MAP2K4: variants seen among roughly 807,000 people sequenced by gnomAD.
MAP2K4 encodes dual specificity mitogen-activated protein kinase kinase 4.
A neutral mutation model predicts 48.5 loss-of-function variants in MAP2K4; 4 were observed. The observed-to-expected ratio is 0.08, with a 90% confidence interval of 0.04 to 0.19. The LOEUF is 0.19. MAP2K4 is among the 10% of genes least tolerant of loss of function. MAP2K4 has a pLI of 1.00. For missense variants in MAP2K4, 258 were observed against 493.3 expected, an observed-to-expected ratio of 0.52 and a Z score of 4.52; for synonymous variants, 166 against 173.1, an observed-to-expected ratio of 0.96 and a Z score of 0.32.
At chr17:12,113,487 C>A in intron 7 of MAP2K4, 127 bp downstream of exon 7, 1 of 1,154,150 alleles carries the variant, frequency 8.7e-7, no homozygotes, top group South Asian at 1.8e-5. Context: ...ACCCTAAGGC[C>A]CAAGCTCAGG....
chr17:12,121,944 T>C (rs77465919), intron 7 of MAP2K4, among the ~76,000 whole-genome samples: 293 of 152,340 alleles, frequency 1.9e-3, no homozygotes, highest in African/African-American at 6.8e-3. Flanking sequence ...CAGCAATGTT[T>C]TGTAGTTTTC....
intron 3 of MAP2K4, among the ~76,000 whole-genome samples, chr17:12,091,959 A>G (rs1039726014): frequency 4.6e-5 from 7 of 152,154 alleles, no homozygotes; most frequent in African/African-American, 1.4e-4. Flanking sequence ...TTTTCAAGAA[A>G]CACAATTTAA....
chr17:12,128,431 C>T (rs1972923988), intron 8 of MAP2K4, among the ~76,000 whole-genome samples: 1 of 152,076 alleles, frequency 6.6e-6, no homozygotes, highest in African/African-American at 2.4e-5. Context: ...GATGAGAATA[C>T]GATTCACTGG....
At chr17:12,036,630 C>G (rs1969607867) in intron 1 of MAP2K4, 1 of 152,034 alleles carries the variant, frequency 6.6e-6, no homozygotes, top group Admixed American at 6.5e-5. Context: ...ATGACAGAAG[C>G]CCCCTTTTTT....
chr17:12,067,948 A>G (rs1970669096), intron 2 of MAP2K4, among the ~76,000 whole-genome samples: 1 of 152,204 alleles, frequency 6.6e-6, no homozygotes, highest in Non-Finnish European at 1.5e-5. Flanking sequence ...GAGAAAATGA[A>G]ATATGGGCCT....
chr17:12,118,122 A>G (rs765342129), intron 7 of MAP2K4, among the ~76,000 whole-genome samples: 4 of 152,228 alleles, frequency 2.6e-5, no homozygotes, highest in Non-Finnish European at 5.9e-5. Context: ...ATTTATGGTG[A>G]TAAAGCATCT....
intron 1 of MAP2K4, among the ~76,000 whole-genome samples, chr17:12,032,615 A>G (rs1321613788): frequency 6.6e-6 from 1 of 152,198 alleles, no homozygotes; most frequent in African/African-American, 2.4e-5. Context: ...GTAGAAGAGA[A>G]TTCACTTTTA....
At chr17:12,037,530 A>G (rs1219188840) in intron 1 of MAP2K4, among the ~76,000 whole-genome samples, 4 of 152,196 alleles carry the variant, frequency 2.6e-5, no homozygotes, top group Non-Finnish European at 5.9e-5. Flanking sequence ...GACAAAAATT[A>G]TATAATTTGG....
intron 1 of MAP2K4, among the ~76,000 whole-genome samples, chr17:12,044,231 A>G (rs867816739): frequency 1.3e-5 from 2 of 152,182 alleles, no homozygotes; most frequent in African/African-American, 4.8e-5. Context: ...CTTTGAATCT[A>G]TCTGGGAAAA....
chr17:12,047,029 A>G lies in MAP2K4; in HGVS notation c.116-7860A>G, dbSNP rs576603866. ...GAGCTGTTAAGCCTTTTGTTGTCAAAGCAGTACCCTTTCAGGAACTGATAG... is the reference window on the plus strand; with the variant it reads ...GAGCTGTTAAGCCTTTTGTTGTCAAGGCAGTACCCTTTCAGGAACTGATAG... On this transcript the variant is annotated intron_variant, in intron 1 of 10. Coordinates refer to ENST00000353533, the MANE Select transcript of MAP2K4 (RefSeq NM_003010.4). Among the ~76,000 whole-genome samples the G allele has an allele frequency of 2.6e-5, 4 of 152,290 alleles. No individual in the cohort carries two copies. In the South Asian group the frequency reaches 6.2e-4, roughly 24 times the overall value.
Position 12,081,344 on chromosome 17 carries a change from A to G in MAP2K4, c.219-12A>G, listed in dbSNP as rs1567649625. On this transcript the variant is annotated splice_polypyrimidine_tract_variant and intron_variant, in intron 2 of 10. Coordinates refer to ENST00000353533, the MANE Select transcript of MAP2K4 (RefSeq NM_003010.4). This position sits in a 1 kb window ranked among gnomAD's most constrained non-coding sequence, Gnocchi z 4.2. ...TAAAATGTGGAAAAATTGCTTCCCA[A>G]TATTTTAACAGAGAGAGACTGAGAA... 6.3e-7 allele frequency: 1 copy of G among 1,585,434 alleles called. No homozygotes were observed.
At chr17:12,129,087 A>G in intron 8 of MAP2K4, 52 bp from the exon 9 acceptor site, 3 of 1,583,756 alleles carry the variant, frequency 1.9e-6, no homozygotes, top group Non-Finnish European at 2.6e-6. Flanking sequence ...TCCAGTGGGG[A>G]GTAGTAAATG....
At chr17:12,047,357 C>T (rs889553495) in intron 1 of MAP2K4, among the ~76,000 whole-genome samples, 3 of 152,130 alleles carry the variant, frequency 2.0e-5, no homozygotes, top group African/African-American at 7.2e-5. Flanking sequence ...CTCTGTTATG[C>T]ATAGTAATGC....
chr17:12,025,513 AT>A (rs1356202267), intron 1 of MAP2K4, among the ~76,000 whole-genome samples: 11 of 152,210 alleles, frequency 7.2e-5, no homozygotes, highest in African/African-American at 2.2e-4. Flanking sequence ...AGAATCTATA[AT>A]TGATTCAGAA....
intron 8 of MAP2K4, among the ~76,000 whole-genome samples, chr17:12,126,653 C>G (rs534392643): frequency 9.5e-4 from 144 of 152,326 alleles, no homozygotes; most frequent in Admixed American, 1.6e-3. Context: ...GATCCACCAC[C>G]AAATACCATC....
At chr17:12,037,682 C>T (rs1054416210) in intron 1 of MAP2K4, among the ~76,000 whole-genome samples, 3 of 151,894 alleles carry the variant, frequency 2.0e-5, no homozygotes, top group African/African-American at 7.3e-5. Context: ...TAGGATTAGC[C>T]GTAAGCCAGA....
At chr17:12,044,501 C>T (rs1969895737) in intron 1 of MAP2K4, among the ~76,000 whole-genome samples, 1 of 152,192 alleles carries the variant, frequency 6.6e-6, no homozygotes, top group Non-Finnish European at 1.5e-5. Flanking sequence ...ACATTATAAA[C>T]TTGCCAAGAA....
intron 3 of MAP2K4, among the ~76,000 whole-genome samples, chr17:12,083,327 A>T (rs1490919107): frequency 6.6e-6 from 1 of 152,230 alleles, no homozygotes; most frequent in African/African-American, 2.4e-5. Flanking sequence ...TGAAAATAGG[A>T]AATTGTTGTC....
At chr17:12,077,025 G>A (rs1475777122) in intron 2 of MAP2K4, among the ~76,000 whole-genome samples, 1 of 152,160 alleles carries the variant, frequency 6.6e-6, no homozygotes, top group Non-Finnish European at 1.5e-5. Flanking sequence ...TTCTGAGGCA[G>A]GATGCTTTAC....
Sources: gnomAD v4.1 joint callset for allele counts (sites outside exome capture counted in the v4.1 genomes callset) on GRCh38, gnomAD v4.1.1 for gene constraint, Gnocchi (gnomAD v3.1) non-coding constraint, MANE v1.5 for transcripts, NCBI Gene and HGNC (gene_info 2026-07-23, HGNC 2026-07-21) for gene names.